Variants in CUX1 observed in about 807,000 individuals in gnomAD.
CUX1 encodes cut like homeobox 1.
A neutral mutation model predicts 158.8 loss-of-function variants in CUX1; 31 were observed. That is an observed-to-expected ratio of 0.20 (90% CI 0.15 to 0.26). The LOEUF (loss-of-function observed/expected upper bound fraction) is 0.26, where lower values mean the gene tolerates loss of function less well. CUX1 is among the 10% of genes least tolerant of loss of function. CUX1 has a pLI of 1.00. For synonymous variants in CUX1, 879 were observed against 862.1 expected (o/e 1.02, Z -0.34); for missense variants, 1,589 against 2,014.6 (o/e 0.79, Z 4.04).
Position 101,906,542 on chromosome 7 carries a change from G to A in CUX1, c.31-9573G>A, listed in dbSNP as rs554666669. 7.4e-4 allele frequency among the ~76,000 whole-genome samples: 113 copies of A among 152,034 alleles called. 1 individual carries two copies. Among genetic ancestry groups the A allele is most frequent in the African/African-American group, 2.6e-3 (109 of 41,476 alleles). The stretch of plus-strand genomic sequence containing the variant: ...GGGTGGTCTTATCGATGGCCCCCAG[G>A]AAGCCACAGAAGGCATTTGAGCAGG... On this transcript the variant is annotated intron_variant, in intron 1 of 23. Coordinates refer to ENST00000292535, the MANE Select transcript of CUX1 (RefSeq NM_181552.4).
chr7:102,239,514 A>G lies in CUX1; in HGVS notation c.3817A>G (p.Thr1273Ala). 1 of 1,614,066 alleles carries G rather than the reference A, an allele frequency of 6.2e-7. No homozygotes were observed. The highest frequency in any genetic ancestry group is 2.2e-5 in the East Asian group (1 of 44,864). The change falls in exon 23 of 24, where the codon ACC becomes GCC. Residue 1273 changes from threonine to alanine, a missense_variant. By Grantham distance (58) the Thr-to-Ala change is moderately conservative (BLOSUM62 0). Coordinates refer to ENST00000292535, the MANE Select transcript of CUX1 (RefSeq NM_181552.4). Reference protein sequence around the residue: ...YQQKPYPSPKTIEDLATQLNL... With the variant: ...YQQKPYPSPKAIEDLATQLNL... ...GCAAAAGCCATACCCGTCACCAAAA[A>G]CCATCGAAGACCTCGCCACCCAGCT...
At chr7:101,980,549 CAGTT>C (rs1426237732) in intron 2 of CUX1, among the ~76,000 whole-genome samples, 1 of 152,140 alleles carries the variant, frequency 6.6e-6, no homozygotes, top group Non-Finnish European at 1.5e-5. Flanking sequence ...AGAATCTGAC[CAGTT>C]CTCTACCTGG....
At chr7:101,975,353 G>T (rs1384330209) in intron 2 of CUX1, among the ~76,000 whole-genome samples, 1 of 152,064 alleles carries the variant, frequency 6.6e-6, no homozygotes, top group Non-Finnish European at 1.5e-5. Context: ...GACCAGCCTG[G>T]GCAACATAGT....
chr7:102,173,791 G>T (rs1455553872), intron 10 of CUX1, among the ~76,000 whole-genome samples: 1 of 152,156 alleles, frequency 6.6e-6, no homozygotes, highest in Admixed American at 6.5e-5. Context: ...TTCATCATCG[G>T]TTAAGTGCCG....
chr7:102,148,745 A>T (rs964627755), intron 8 of CUX1, among the ~76,000 whole-genome samples: 1 of 149,766 alleles, frequency 6.7e-6, no homozygotes, highest in Admixed American at 6.7e-5. Context: ...CAAGAACATG[A>T]GTAAGTTCTT....
chr7:101,929,038 G>T (rs914135444), intron 2 of CUX1, among the ~76,000 whole-genome samples: 1 of 151,964 alleles, frequency 6.6e-6, no homozygotes, highest in African/African-American at 2.4e-5. Flanking sequence ...CAGCACTTTG[G>T]GAGGCTGAGG....
chr7:101,916,336 A>G lies in CUX1; in HGVS notation c.141+111A>G, dbSNP rs1804206464. On this transcript the variant is annotated intron_variant, in intron 2 of 23. Coordinates refer to ENST00000292535, the MANE Select transcript of CUX1 (RefSeq NM_181552.4). The surrounding 1 kb of genome is among the most constrained non-coding windows in gnomAD (Gnocchi z 4.4). ...TTCATCAGATGAACGCACGGCCGGCAAACAACCCGTTTCTTTCCCCAGATG... is the reference window on the plus strand; with the variant it reads ...TTCATCAGATGAACGCACGGCCGGCGAACAACCCGTTTCTTTCCCCAGATG... 2 of 700,358 alleles carry G rather than the reference A, an allele frequency of 2.9e-6. No homozygotes were observed. Among genetic ancestry groups the G allele is most frequent in the Non-Finnish European group, 5.2e-6 (2 of 384,858 alleles). The allele number at this position is 700,358 out of a possible 1,614,324, so 43.4% of individuals were successfully genotyped here. A position where few individuals can be genotyped will look rare whatever the true frequency, so the allele number is the denominator to read the frequency against.
At position 102,227,646 on chromosome 7, in the gene CUX1, A is replaced by T; in HGVS notation, c.3410A>T (p.Glu1137Val). Residue 1137 changes from glutamate to valine, a missense_variant, in exon 21 of 24, where the codon GAG becomes GTG. This residue lies in a region of CUX1 where 259 missense variants were observed against 373.8 expected (regional missense o/e 0.69). Coordinates refer to ENST00000292535, the MANE Select transcript of CUX1 (RefSeq NM_181552.4). ...DTYGITKRVK[E>V]VLTDNNLGQR... Reference sequence around the variant, plus strand: ...TACGGCATAACCAAGCGGGTGAAGGAGGTGCTGACGGACAACAACCTCGGT... The same window carrying T: ...TACGGCATAACCAAGCGGGTGAAGGTGGTGCTGACGGACAACAACCTCGGT... The T allele has an allele frequency of 6.2e-7, 1 of 1,610,924 alleles. No individual in the cohort carries two copies. Among genetic ancestry groups the T allele is most frequent in the Non-Finnish European group, 8.5e-7 (1 of 1,177,906 alleles).
intron 8 of CUX1, among the ~76,000 whole-genome samples, chr7:102,131,493 A>T (rs1229184346): frequency 1.1e-4 from 13 of 115,706 alleles, no homozygotes; most frequent in East Asian, 6.3e-4. Flanking sequence ...ATTTCTGTTT[A>T]AAAAAAAAAA....
At chr7:101,946,012 G>T (rs1808320566) in intron 2 of CUX1, among the ~76,000 whole-genome samples, 1 of 152,196 alleles carries the variant, frequency 6.6e-6, no homozygotes, top group African/African-American at 2.4e-5. Context: ...GCGGCACCTG[G>T]AGAGAGGTCA....
At chr7:102,269,496 C>T (rs1340843619) in intron 14 of CUX1, among the ~76,000 whole-genome samples, 1 of 152,080 alleles carries the variant, frequency 6.6e-6, no homozygotes, top group Non-Finnish European at 1.5e-5. Context: ...ACCTCCGCCT[C>T]CCAGGTTCAA....
intron 2 of CUX1, among the ~76,000 whole-genome samples, chr7:101,947,480 C>T (rs2129148942): frequency 6.6e-6 from 1 of 152,332 alleles, no homozygotes; most frequent in African/African-American, 2.4e-5. Flanking sequence ...ATAAGTTAAT[C>T]CCGCACACAC....
At chr7:101,984,131 C>T (rs202167) in intron 2 of CUX1, among the ~76,000 whole-genome samples, 2,641 of 25,060 alleles carry the variant, frequency 0.11, 179 homozygotes, top group Middle Eastern at 0.14. Context: ...TATATATATA[C>T]ACACACACAT....
At chr7:102,165,694 C>A (rs1790950533) in intron 9 of CUX1, among the ~76,000 whole-genome samples, 1 of 152,086 alleles carries the variant, frequency 6.6e-6, no homozygotes, top group South Asian at 2.1e-4. Context: ...CTTCCTGGGG[C>A]CTTTCAGGGA....
At chr7:101,826,635 G>A (rs954391640) in intron 1 of CUX1, among the ~76,000 whole-genome samples, 2 of 152,244 alleles carry the variant, frequency 1.3e-5, no homozygotes, top group Non-Finnish European at 2.9e-5. Flanking sequence ...GATGGATGGA[G>A]CAGTGTGTCT....
At chr7:101,826,385 A>G (rs1445185249) in intron 1 of CUX1, among the ~76,000 whole-genome samples, 2 of 150,778 alleles carry the variant, frequency 1.3e-5, no homozygotes, top group African/African-American at 2.4e-5. Flanking sequence ...TTTTTTTTTT[A>G]GAGACAGGGT....
chr7:101,970,286 G>C (rs1811792770), intron 2 of CUX1, among the ~76,000 whole-genome samples: 1 of 152,130 alleles, frequency 6.6e-6, no homozygotes, highest in Non-Finnish European at 1.5e-5. Context: ...TAGAGAAACG[G>C]CTGGCCTTGA....
intron 2 of CUX1, among the ~76,000 whole-genome samples, chr7:101,959,101 CCGCCCACTT>C (rs986917033): frequency 6.6e-6 from 1 of 151,912 alleles, no homozygotes; most frequent in Non-Finnish European, 1.5e-5. Flanking sequence ...CTTAAGTGAT[CCGCCCACTT>C]CGGCCTCCCA....
At chr7:102,258,875 G>A (rs575177614), downstream of CUX1, among the ~76,000 whole-genome samples, 1 of 152,218 alleles carries the variant, frequency 6.6e-6, no homozygotes, top group Admixed American at 6.5e-5. Flanking sequence ...GGGCTACTGA[G>A]AAGAGTCTCT....
Sources: gnomAD v4.1 joint callset for allele counts (sites outside exome capture counted in the v4.1 genomes callset) on GRCh38, gnomAD v4.1.1 for gene constraint, gnomAD v4.1.1 regional missense constraint, Gnocchi (gnomAD v3.1) non-coding constraint, MANE v1.5 for transcripts, NCBI Gene and HGNC (gene_info 2026-07-23, HGNC 2026-07-21) for gene names.